NEK11: variants seen among roughly 807,000 people sequenced by gnomAD.
NEK11 encodes serine/threonine-protein kinase Nek11.
Under a neutral mutation model 80.7 loss-of-function variants are expected in NEK11, and 72 were observed. The ratio of observed to expected loss-of-function variants is 0.89; its 90% confidence interval spans 0.74 to 1.08. The LOEUF (loss-of-function observed/expected upper bound fraction) is 1.08. NEK11 is among the 50% of genes least tolerant of loss of function. The pLI is 0.00. For synonymous variants in NEK11, 251 were observed against 260.7 expected (o/e 0.96, Z 0.36); for missense variants, 764 against 763.6 (o/e 1.00, Z -0.01).
chr3:131,268,794 CTG>C (rs1188272288), intron 16 of NEK11, among the ~76,000 whole-genome samples: 1 of 152,264 alleles, frequency 6.6e-6, no homozygotes, highest in Non-Finnish European at 1.5e-5. Context: ...AGCTCGAACA[CTG>C]TGTTAGGAGA....
chr3:131,027,193 T>C (rs1291251773), intron 1 of NEK11, 187 bp downstream of exon 1: 3 of 152,196 alleles, frequency 2.0e-5, no homozygotes, highest in Non-Finnish European at 4.4e-5. Flanking sequence ...TTAACCTGCT[T>C]TGCCAAAATG....
At chr3:131,265,331 G>T (rs538924952) in intron 16 of NEK11, among the ~76,000 whole-genome samples, 1 of 152,164 alleles carries the variant, frequency 6.6e-6, no homozygotes, top group East Asian at 1.9e-4. Flanking sequence ...TGCCCATTCA[G>T]TATGATACTG....
intron 14 of NEK11, among the ~76,000 whole-genome samples, chr3:131,221,734 G>C (rs2095033509): frequency 1.3e-5 from 2 of 152,204 alleles, no homozygotes; most frequent in Non-Finnish European, 2.9e-5. Context: ...AGTAGATGAA[G>C]TGACAGGGAG....
At chr3:131,282,997 T>A (rs1368517325) in intron 17 of NEK11, among the ~76,000 whole-genome samples, 2 of 152,176 alleles carry the variant, frequency 1.3e-5, no homozygotes, top group Non-Finnish European at 2.9e-5. Context: ...ACACCTTCTG[T>A]TTCCTGAAGT....
At chr3:131,332,254 T>G (rs1349929698) in intron 17 of NEK11, among the ~76,000 whole-genome samples, 3 of 152,178 alleles carry the variant, frequency 2.0e-5, no homozygotes, top group Non-Finnish European at 2.9e-5. Context: ...GGCCAGGTAC[T>G]CCTCTGAGAC....
intron 14 of NEK11, among the ~76,000 whole-genome samples, chr3:131,171,341 G>A (rs1398230635): frequency 1.3e-5 from 2 of 152,198 alleles, no homozygotes; most frequent in Non-Finnish European, 2.9e-5. Flanking sequence ...GAATACAAAG[G>A]GAGGCCTGTA....
intron 5 of NEK11, among the ~76,000 whole-genome samples, chr3:131,118,560 T>C (rs1224466778): frequency 1.3e-5 from 2 of 152,208 alleles, no homozygotes; most frequent in African/African-American, 4.8e-5. Flanking sequence ...CCAATTCATG[T>C]TTGTACCTCT....
chr3:131,155,239 C>A, intron 10 of NEK11, 118 bp downstream of exon 10: 1 of 670,380 alleles, frequency 1.5e-6, no homozygotes, highest in Middle Eastern at 4.2e-4. Flanking sequence ...TCACTTAAGT[C>A]TTGCCAAGAA....
chr3:131,342,372 C>A (rs1284426806), intron 17 of NEK11, among the ~76,000 whole-genome samples: 1 of 152,220 alleles, frequency 6.6e-6, no homozygotes, highest in Non-Finnish European at 1.5e-5. Flanking sequence ...TCCATTCCTG[C>A]AGTGACTCAC....
intron 17 of NEK11, among the ~76,000 whole-genome samples, chr3:131,343,553 T>C (rs1412442996): frequency 1.3e-5 from 2 of 152,190 alleles, no homozygotes; most frequent in Non-Finnish European, 2.9e-5. Flanking sequence ...TAGTAGAGTA[T>C]CTCTGTGAGG....
At position 131,152,653 on chromosome 3, in the gene NEK11, T is replaced by C. The variant is rs983567604; in HGVS notation, c.820T>C (p.Leu274=). Residue 274 remains leucine (L), a synonymous_variant, in exon 9 of 18, where the codon TTA becomes CTA. Transcript: ENST00000383366. ...MESMLNKNPS[L]RPSAIEILKI... is the part of the protein sequence containing the mutation. ...CAGCATGTTGAACAAGAATCCTTCA[T>C]TAAGACCATCTGCTATCGAAATTTT... 4.3e-6 allele frequency: 7 copies of C among 1,613,730 alleles called. No individual in the cohort carries two copies. Among genetic ancestry groups the C allele is most frequent in the African/African-American group, 1.3e-5 (1 of 74,916 alleles).
chr3:131,297,150 G>A (rs1038288635), intron 17 of NEK11, among the ~76,000 whole-genome samples: 27 of 152,190 alleles, frequency 1.8e-4, no homozygotes, highest in African/African-American at 5.5e-4. Flanking sequence ...ATAGCAGCAT[G>A]ATTTATAGTC....
chr3:131,036,162 T>G (rs1350581496), intron 3 of NEK11, among the ~76,000 whole-genome samples: 1 of 152,240 alleles, frequency 6.6e-6, no homozygotes, highest in Non-Finnish European at 1.5e-5. Context: ...GAGACTTCAC[T>G]TTTCACTGAA....
intron 7 of NEK11, among the ~76,000 whole-genome samples, chr3:131,151,521 A>T (rs2089641746): frequency 6.6e-6 from 1 of 152,242 alleles, no homozygotes; most frequent in African/African-American, 2.4e-5. Flanking sequence ...AAAGTTACAT[A>T]AAATGTAACT....
At chr3:131,241,227 A>G (rs2095514017) in intron 15 of NEK11, among the ~76,000 whole-genome samples, 1 of 152,148 alleles carries the variant, frequency 6.6e-6, no homozygotes, top group South Asian at 2.1e-4. Flanking sequence ...CTAAATTGTC[A>G]TATTCCTTGA....
Position 131,031,731 on chromosome 3 carries a change from C to A in NEK11, c.170+1853C>A, listed in dbSNP as rs950897230. 2.0e-5 allele frequency among the ~76,000 whole-genome samples: 3 copies of A among 151,976 alleles called. No individual in the cohort carries two copies. The East Asian group carries it at 5.8e-4, about 29-fold the overall frequency. ...TTAGTGATCTTTCTTGTACCTGAACCAATCTTAAAAAAACACATGACTGGA... is the reference window on the plus strand; with the variant it reads ...TTAGTGATCTTTCTTGTACCTGAACAAATCTTAAAAAAACACATGACTGGA... On this transcript the variant is annotated intron_variant, in intron 3 of 17. Transcript: ENST00000383366.
intron 15 of NEK11, among the ~76,000 whole-genome samples, chr3:131,229,623 A>G (rs2095289221): frequency 6.6e-6 from 1 of 152,114 alleles, no homozygotes; most frequent in African/African-American, 2.4e-5. Flanking sequence ...TATTCAATCC[A>G]TTCAGCCACT....
At chr3:131,105,977 T>C (rs2079118247) in intron 4 of NEK11, among the ~76,000 whole-genome samples, 1 of 152,200 alleles carries the variant, frequency 6.6e-6, no homozygotes, top group South Asian at 2.1e-4. Context: ...TTACCTATAT[T>C]GTATACTTGC....
chr3:131,210,727 A>G (rs976053037), intron 14 of NEK11, among the ~76,000 whole-genome samples: 1 of 152,130 alleles, frequency 6.6e-6, no homozygotes, highest in African/African-American at 2.4e-5. Context: ...CCATTATGTA[A>G]TGGCCTTCTT....
Sources: allele counts gnomAD v4.1 joint callset (sites outside exome capture counted in the v4.1 genomes callset), GRCh38; gene constraint gnomAD v4.1.1; transcripts MANE v1.5; gene names NCBI Gene and HGNC (gene_info 2026-07-23, HGNC 2026-07-21).